Variants in MYH10 observed in about 807,000 individuals in gnomAD.
The protein encoded by MYH10 is myosin heavy chain 10.
A neutral mutation model predicts 257.8 loss-of-function variants in MYH10; 55 were observed. That is an observed-to-expected ratio of 0.21 (90% CI 0.17 to 0.27). The LOEUF is 0.27. Among genes scored for constraint, MYH10 ranks in the 10% least tolerant of loss-of-function variants. The pLI, the probability that MYH10 is intolerant of heterozygous loss-of-function variation, is 1.00. For missense variants in MYH10, 1,631 were observed against 2,500.6 expected, an observed-to-expected ratio of 0.65 and a Z score of 7.42; for synonymous variants, 854 against 921.7, an observed-to-expected ratio of 0.93 and a Z score of 1.33.
chr17:8,616,283 CA>C (rs529618910), intron 2 of MYH10, among the ~76,000 whole-genome samples: 66 of 139,134 alleles, frequency 4.7e-4, no homozygotes, highest in Admixed American at 5.0e-4. Context: ...ACTTTGTCTC[CA>C]AAAAAAAAAA....
At chr17:8,509,987 G>A (rs376076883) in intron 24 of MYH10, 38 bp from the exon 25 acceptor site, 17 of 1,539,618 alleles carry the variant, frequency 1.1e-5, no homozygotes, top group Admixed American at 2.0e-5. Flanking sequence ...CCACTTTCTC[G>A]AGATTTGACC....
chr17:8,513,753 A>G, intron 22 of MYH10, 33 bp downstream of exon 22: 2 of 1,612,232 alleles, frequency 1.2e-6, no homozygotes, highest in Non-Finnish European at 1.7e-6. Flanking sequence ...CTGCTATTTG[A>G]AAGGGATCTG....
chr17:8,621,615 G>C (rs1217579501), intron 2 of MYH10, among the ~76,000 whole-genome samples: 1 of 152,126 alleles, frequency 6.6e-6, no homozygotes, highest in African/African-American at 2.4e-5. Flanking sequence ...ATTGGAAAAG[G>C]GTTGTTCCTA....
chr17:8,560,527 T>C (rs1268628697), intron 7 of MYH10: 6 of 620,234 alleles, frequency 9.7e-6, no homozygotes, highest in African/African-American at 3.7e-5. Flanking sequence ...CTTTGGCCCA[T>C]GCAGCTCCTT....
chr17:8,533,687 C>G (rs913161311), intron 16 of MYH10, among the ~76,000 whole-genome samples: 4 of 152,120 alleles, frequency 2.6e-5, no homozygotes, highest in African/African-American at 9.7e-5. Context: ...TGACATTTTT[C>G]CCTTAGCGCC....
At chr17:8,533,694 C>T (rs944526213) in intron 16 of MYH10, among the ~76,000 whole-genome samples, 6 of 152,070 alleles carry the variant, frequency 3.9e-5, no homozygotes, top group South Asian at 2.1e-4. Flanking sequence ...TTTCCCTTAG[C>T]GCCCCAGAAA....
At chr17:8,533,878 C>G (rs1421497168) in intron 16 of MYH10, among the ~76,000 whole-genome samples, 1 of 152,172 alleles carries the variant, frequency 6.6e-6, no homozygotes, top group Non-Finnish European at 1.5e-5. Context: ...CCTACACAGT[C>G]TCCAACACTG....
At chr17:8,523,258 T>C (rs2081718111) in intron 17 of MYH10, among the ~76,000 whole-genome samples, 1 of 152,230 alleles carries the variant, frequency 6.6e-6, no homozygotes, top group Non-Finnish European at 1.5e-5. Flanking sequence ...TGTTCAATCC[T>C]AGCATGTCTG....
At chr17:8,495,360 C>A in intron 30 of MYH10, 119 bp from the exon 31 acceptor site, 1 of 653,694 alleles carries the variant, frequency 1.5e-6, no homozygotes, top group Non-Finnish European at 2.7e-6. Context: ...CTGAAACTAC[C>A]CATTCAGTTA....
chr17:8,573,225 T>C (rs2083404209), intron 6 of MYH10, among the ~76,000 whole-genome samples: 1 of 152,238 alleles, frequency 6.6e-6, no homozygotes, highest in South Asian at 2.1e-4. Flanking sequence ...GTTAAAAATA[T>C]ATACCTCTTT....
intron 14 of MYH10, among the ~76,000 whole-genome samples, chr17:8,538,488 G>A (rs540330221): frequency 3.0e-4 from 45 of 152,324 alleles, no homozygotes; most frequent in African/African-American, 1.1e-3. Context: ...GGGATTACAG[G>A]CGTGAGCCAC....
chr17:8,589,938 C>T (rs1231095824), intron 3 of MYH10, among the ~76,000 whole-genome samples: 2 of 152,186 alleles, frequency 1.3e-5, no homozygotes, highest in East Asian at 1.9e-4. Context: ...CCAAGTGACA[C>T]GGCTACGAAG....
At chr17:8,574,427 G>A (rs1293966294) in intron 6 of MYH10, among the ~76,000 whole-genome samples, 2 of 152,138 alleles carry the variant, frequency 1.3e-5, no homozygotes, top group Non-Finnish European at 2.9e-5. Context: ...TTGGGGTGAG[G>A]AAAATGTTCT....
intron 4 of MYH10, among the ~76,000 whole-genome samples, chr17:8,581,912 C>A (rs1244559052): frequency 6.6e-6 from 1 of 152,188 alleles, no homozygotes; most frequent in African/African-American, 2.4e-5. Flanking sequence ...CACTCCCTAG[C>A]TATGGAGCTT....
Position 8,604,996 on chromosome 17 carries a change from A to G in MYH10, c.346-14T>C. The G allele has an allele frequency of 7.3e-7, 1 of 1,373,320 alleles. No individual in the cohort carries two copies. Among genetic ancestry groups the G allele is most frequent in the Non-Finnish European group, 9.8e-7 (1 of 1,017,242 alleles). The allele number at this position is 1,373,320 out of a possible 1,614,324, so 85.1% of individuals were successfully genotyped here. A position where few individuals can be genotyped will look rare whatever the true frequency, so the allele number is the denominator to read the frequency against. Reference sequence around the variant, plus strand: ...TCCAGAATAAGTCTAGAATAAAAATAAAATAGAGTATTAAAAAAAAAACCT... The same window carrying G: ...TCCAGAATAAGTCTAGAATAAAAATGAAATAGAGTATTAAAAAAAAAACCT... On this transcript the variant is annotated splice_polypyrimidine_tract_variant and intron_variant, in intron 2 of 42. Coordinates refer to ENST00000360416, the MANE Select transcript of MYH10 (RefSeq NM_001256012.3).
chr17:8,539,252 C>T (rs1044496577), intron 14 of MYH10, among the ~76,000 whole-genome samples: 2 of 152,196 alleles, frequency 1.3e-5, no homozygotes, highest in African/African-American at 4.8e-5. Context: ...GACTAGGACA[C>T]TCGCCAAATA....
chr17:8,477,092 C>G lies in MYH10; in HGVS notation c.5707-44G>C, dbSNP rs1912793981. The G allele has an allele frequency of 1.2e-6, 2 of 1,606,748 alleles. No homozygotes were observed. The highest frequency in any genetic ancestry group is 1.7e-5 in the Admixed American group (1 of 59,914). On this transcript the variant is annotated intron_variant, in intron 41 of 42. Coordinates refer to ENST00000360416, the MANE Select transcript of MYH10 (RefSeq NM_001256012.3). The surrounding 1 kb of genome is among the most constrained non-coding windows in gnomAD (Gnocchi z 4.2). ...ACCAAAACAAACCAAACTGGTGAATCCAGTGTCGGCCTCTCTGTACCCCGA... is the reference window on the plus strand; with the variant it reads ...ACCAAAACAAACCAAACTGGTGAATGCAGTGTCGGCCTCTCTGTACCCCGA...
intron 14 of MYH10, among the ~76,000 whole-genome samples, chr17:8,537,273 A>C (rs2082168465): frequency 6.6e-6 from 1 of 152,248 alleles, no homozygotes; most frequent in Non-Finnish European, 1.5e-5. Context: ...CTCTAAGATC[A>C]GTTCTCATCA....
At position 8,495,228 on chromosome 17, in the gene MYH10, TTATC is replaced by T; in HGVS notation, c.3961_3964del (p.Asp1321MetfsTer42). ...TGCTTCTTCCAGAAGGGTGGAGACA[TTATC>T]TAGCTCATTCTGTAAGGAGCAGAAG... On this transcript the variant is annotated frameshift_variant, in exon 31 of 43. Coordinates refer to ENST00000360416, the MANE Select transcript of MYH10 (RefSeq NM_001256012.3). LOFTEE classifies it high-confidence loss of function. 2 of 1,607,358 alleles carry T rather than the reference TTATC, an allele frequency of 1.2e-6. No homozygotes were observed. Among genetic ancestry groups the T allele is most frequent in the Non-Finnish European group, 1.7e-6 (2 of 1,174,204 alleles).
Sources: gnomAD v4.1 joint callset for allele counts (sites outside exome capture counted in the v4.1 genomes callset) on GRCh38, gnomAD v4.1.1 for gene constraint, Gnocchi (gnomAD v3.1) non-coding constraint, MANE v1.5 for transcripts, NCBI Gene and HGNC (gene_info 2026-07-23, HGNC 2026-07-21) for gene names.